Variants in SLIT1 observed in about 807,000 individuals in gnomAD.
The protein encoded by SLIT1 is slit guidance ligand 1.
Under a neutral mutation model 186.1 loss-of-function variants are expected in SLIT1, and 66 were observed. That is an observed-to-expected ratio of 0.35 (90% confidence interval 0.29 to 0.44). SLIT1 has a LOEUF of 0.44. Ranked by LOEUF, SLIT1 falls within the 20% of genes least tolerant of loss-of-function variation. The pLI is 1.00. For missense variants in SLIT1, 1,638 were observed against 2,037.4 expected, an observed-to-expected ratio of 0.80 and a Z score of 3.77; for synonymous variants, 761 against 833.8, an observed-to-expected ratio of 0.91 and a Z score of 1.50.
chr10:97,078,828 G>A (rs1235130059), intron 4 of SLIT1, among the ~76,000 whole-genome samples: 1 of 152,244 alleles, frequency 6.6e-6, no homozygotes, highest in Non-Finnish European at 1.5e-5. Context: ...GCTGGGCGCG[G>A]AGACCTTGGA....
Position 97,055,665 on chromosome 10 carries a change from C to T in SLIT1, c.1301+656G>A, listed in dbSNP as rs117903445. 7.2e-3 allele frequency among the ~76,000 whole-genome samples: 1,100 copies of T among 152,262 alleles called. 6 individuals are homozygous for T. Among genetic ancestry groups the T allele is most frequent in the Non-Finnish European group, 0.011 (732 of 68,012 alleles). ...GATTAGAGGCATGAGCCACCATGCCCGGCCCACAGTACTACTCTTAATCTG... is the reference window on the plus strand; with the variant it reads ...GATTAGAGGCATGAGCCACCATGCCTGGCCCACAGTACTACTCTTAATCTG... On this transcript the variant is annotated intron_variant, in intron 13 of 36. Transcript: ENST00000266058.
At position 97,001,066 on chromosome 10, in the gene SLIT1, G is replaced by A. The variant is rs752532303; in HGVS notation, c.*46C>T. 3.7e-5 allele frequency: 56 copies of A among 1,517,800 alleles called. No homozygotes were observed. Among genetic ancestry groups the A allele is most frequent in the South Asian group, 1.8e-4 (16 of 87,934 alleles). 94.0% of individuals were successfully genotyped at this position (1,517,800 alleles called of 1,614,324 possible). ...TGGCGACTGTCTCCGCTGCTGCAGC[G>A]GCTGGGGCCCCTTGCCCGCCCTCAC... On this transcript the variant is annotated 3_prime_UTR_variant, in exon 37 of 37. Transcript: ENST00000266058.
chr10:97,091,741 G>C (rs1293984504), intron 4 of SLIT1, among the ~76,000 whole-genome samples: 1 of 152,230 alleles, frequency 6.6e-6, no homozygotes, highest in Admixed American at 6.5e-5. Context: ...AGAGAAGTCA[G>C]GTTGCTGGCT....
At chr10:97,103,466 T>G (rs1001827520) in intron 4 of SLIT1, 20 of 152,188 alleles carry the variant, frequency 1.3e-4, no homozygotes, top group Admixed American at 6.5e-5. Context: ...ATTGGTCTCC[T>G]TAGTAACGAC....
rs190678264 is a variant in SLIT1, at chr10:97,174,622, A to G, written c.198-9732T>C. On this transcript the variant is annotated intron_variant, in intron 1 of 36. Coordinates refer to ENST00000266058, the MANE Select transcript of SLIT1 (RefSeq NM_003061.3). Reference sequence around the variant, plus strand: ...CACCCTTGCGCCTGGGCTCCTGGGGACCCATCTTGTTTCCTTGGCTGGAGA... The same window carrying G: ...CACCCTTGCGCCTGGGCTCCTGGGGGCCCATCTTGTTTCCTTGGCTGGAGA... Among the ~76,000 whole-genome samples the G allele has an allele frequency of 2.2e-4, 34 of 152,314 alleles. No individual in the cohort carries two copies. The East Asian group carries it at 3.9e-3, about 17-fold the overall frequency.
At chr10:97,183,385 C>T (rs535566310) in intron 1 of SLIT1, among the ~76,000 whole-genome samples, 1 of 152,328 alleles carries the variant, frequency 6.6e-6, no homozygotes, top group African/African-American at 2.4e-5. Flanking sequence ...AATAATGGCT[C>T]TCGTTTAGCG....
chr10:97,020,650 A>G (rs1469343059), intron 26 of SLIT1, among the ~76,000 whole-genome samples: 2 of 152,228 alleles, frequency 1.3e-5, no homozygotes, highest in African/African-American at 2.4e-5. Flanking sequence ...CACGGCCTCC[A>G]GTGTCCTCCC....
At chr10:97,054,281 CTCT>C (rs1193674920) in intron 13 of SLIT1, among the ~76,000 whole-genome samples, 1 of 151,910 alleles carries the variant, frequency 6.6e-6, no homozygotes. Context: ...CTTGCTCCTC[CTCT>C]TGTCACGTGA....
intron 4 of SLIT1, among the ~76,000 whole-genome samples, chr10:97,143,807 C>T (rs1010483900): frequency 3.3e-5 from 5 of 152,184 alleles, no homozygotes; most frequent in Non-Finnish European, 5.9e-5. Flanking sequence ...CCACGAACTT[C>T]TAATGCCAAG....
At position 97,184,736 on chromosome 10, in the gene SLIT1, C is replaced by G. The variant is rs1850387921; in HGVS notation, c.197+742G>C. 6.6e-6 allele frequency among the ~76,000 whole-genome samples: 1 copy of G among 152,198 alleles called. No individual in the cohort carries two copies. Among genetic ancestry groups the G allele is most frequent in the Admixed American group, 6.5e-5 (1 of 15,284 alleles). ...GTCAATATCTTTAACCTTGGGCCCC[C>G]CTCTCCAAGCTCCTGACTTCTTGGC... is the stretch of plus-strand genomic sequence containing the variant. On this transcript the variant is annotated intron_variant, in intron 1 of 36. Transcript: ENST00000266058. This position sits in a 1 kb window ranked among gnomAD's most constrained non-coding sequence, Gnocchi z 4.4.
chr10:97,027,912 G>C (rs1348033823), intron 25 of SLIT1, among the ~76,000 whole-genome samples: 1 of 152,040 alleles, frequency 6.6e-6, no homozygotes, highest in Admixed American at 6.5e-5. Flanking sequence ...GATACATTAA[G>C]GGGGGGCGGA....
intron 7 of SLIT1, 26 bp downstream of exon 7, chr10:97,064,142 G>C: frequency 6.3e-7 from 1 of 1,594,452 alleles, no homozygotes; most frequent in Non-Finnish European, 8.6e-7. Context: ...TGGCTGCCCC[G>C]CTCCCAGCTG....
intron 8 of SLIT1, among the ~76,000 whole-genome samples, chr10:97,061,671 T>A (rs1040775310): frequency 2.6e-5 from 4 of 152,258 alleles, no homozygotes; most frequent in East Asian, 3.8e-4. Flanking sequence ...TATGGATACA[T>A]CATAATTAGT....
intron 13 of SLIT1, among the ~76,000 whole-genome samples, chr10:97,055,714 A>T (rs1848830483): frequency 1.3e-5 from 2 of 152,234 alleles, no homozygotes; most frequent in Non-Finnish European, 2.9e-5. Flanking sequence ...ACAATAAAAT[A>T]TTACAACAAA....
rs1006471901 is a variant in SLIT1, at chr10:97,021,607, G to C, written c.2583-194C>G. On this transcript the variant is annotated intron_variant, in intron 25 of 36. Transcript: ENST00000266058. The surrounding 1 kb of genome is among the most constrained non-coding windows in gnomAD (Gnocchi z 4.5). ...AGATGGAGTGTCGCTCTGTCGCCCA[G>C]GCTGGAGTGCAGTGGCGTAATATCA... 1.3e-5 allele frequency among the ~76,000 whole-genome samples: 2 copies of C among 151,310 alleles called. No individual in the cohort carries two copies. Among genetic ancestry groups the C allele is most frequent in the African/African-American group, 2.4e-5 (1 of 41,062 alleles).
chr10:97,148,477 C>CTTG (rs59128793), intron 4 of SLIT1, among the ~76,000 whole-genome samples: 6 of 151,406 alleles, frequency 4.0e-5, no homozygotes, highest in South Asian at 2.1e-4. Context: ...TTTTGTAGAG[C>CTTG]CTATGCTGCC....
rs35171328 is a variant in SLIT1, at chr10:97,012,075, T to TACACACAC, written c.3204-953_3204-946dup. On this transcript the variant is annotated intron_variant, in intron 30 of 36. Coordinates refer to ENST00000266058, the MANE Select transcript of SLIT1 (RefSeq NM_003061.3). ...CTATAAGAAATACTTTCAAGCCCAGTACACACACACACACACACACACACA... is the reference window on the plus strand; with the variant it reads ...CTATAAGAAATACTTTCAAGCCCAGTACACACACACACACACACACACACACACACACA... Among the ~76,000 whole-genome samples, 160 of 130,908 alleles carry TACACACAC rather than the reference T, an allele frequency of 1.2e-3. 1 individual carries two copies. Among genetic ancestry groups the TACACACAC allele is most frequent in the Admixed American group, 3.2e-3 (42 of 13,022 alleles). 85.9% of individuals were successfully genotyped at this position (130,908 alleles called of 152,430 possible).
chr10:97,098,424 G>T (rs1400316202), intron 4 of SLIT1, among the ~76,000 whole-genome samples: 1 of 152,214 alleles, frequency 6.6e-6, no homozygotes, highest in Non-Finnish European at 1.5e-5. Context: ...ACACCCCTTG[G>T]CTGGAGGGAC....
At chr10:97,160,425 C>T (rs1196000855) in intron 3 of SLIT1, among the ~76,000 whole-genome samples, 1 of 152,282 alleles carries the variant, frequency 6.6e-6, no homozygotes, top group Admixed American at 6.5e-5. Context: ...AAGTAAAAGA[C>T]GGTGGCAGAC....
Sources: allele counts gnomAD v4.1 joint callset (sites outside exome capture counted in the v4.1 genomes callset), GRCh38; gene constraint gnomAD v4.1.1; non-coding constraint Gnocchi (gnomAD v3.1); transcripts MANE v1.5; gene names NCBI Gene and HGNC (gene_info 2026-07-23, HGNC 2026-07-21).